POLE2: variants seen among roughly 807,000 people sequenced by gnomAD.
The protein encoded by POLE2 is DNA polymerase epsilon subunit 2.
POLE2 carries 56 observed loss-of-function variants against 79.4 expected under a neutral mutation model. The ratio of observed to expected loss-of-function variants is 0.71; its 90% confidence interval spans 0.57 to 0.88. The LOEUF (loss-of-function observed/expected upper bound fraction) is 0.88, where lower values mean the gene tolerates loss of function less well. POLE2 is among the 40% of genes least tolerant of loss of function. The pLI, the probability that POLE2 is intolerant of heterozygous loss-of-function variation, is 0.00. For missense variants in POLE2, 598 were observed against 638.9 expected, an observed-to-expected ratio of 0.94 and a Z score of 0.69; for synonymous variants, 212 against 214.0, an observed-to-expected ratio of 0.99 and a Z score of 0.08.
In POLE2 at chr14:49,669,550, G is replaced by C; in HGVS notation, c.466C>G (p.Pro156Ala). The change falls in exon 6 of 19, where the codon CCT (proline) becomes GCT (alanine). Residue 156 changes from proline to alanine, a missense_variant. Transcript: ENST00000216367. ...LFTPPVIGSH[P>A]DESGSKFQLK... ...TGGAATTTGCTTCCGCTTTCATCAG[G>C]GTGAGAACCTATCACCGGAGGAGTA... The C allele has an allele frequency of 6.3e-7, 1 of 1,598,122 alleles. No individual in the cohort carries two copies. The highest frequency in any genetic ancestry group is 1.1e-5 in the South Asian group (1 of 90,716).
intron 5 of POLE2, 71 bp from the exon 6 acceptor site, chr14:49,669,669 CCTGATGAAACACTG>C: frequency 1.3e-6 from 1 of 780,478 alleles, no homozygotes; most frequent in East Asian, 2.6e-5. Flanking sequence ...AAAATAGTGC[CCTGATGAAACACTG>C]TCCTTAAACT....
intron 1 of POLE2, among the ~76,000 whole-genome samples, chr14:49,686,010 T>A (rs1453443273): frequency 6.6e-6 from 1 of 152,156 alleles, no homozygotes; most frequent in African/African-American, 2.4e-5. Flanking sequence ...ATACACCTTA[T>A]CATAAACTCT....
chr14:49,646,318 TTTTTTTTTTTTTTTTTTGAGATA>T (rs1471150682), intron 18 of POLE2, among the ~76,000 whole-genome samples: 1 of 69,596 alleles, frequency 1.4e-5, no homozygotes, highest in African/African-American at 3.6e-5. Context: ...TTTTTTTTTT[TTTTTTTTTTTTTTTTTTGAGATA>T]GAGTCTCACT....
intron 12 of POLE2, 54 bp from the exon 13 acceptor site, chr14:49,654,892 TATTTG>T: frequency 6.9e-7 from 1 of 1,451,344 alleles, no homozygotes; most frequent in East Asian, 2.5e-5. Flanking sequence ...CATAAAATTA[TATTTG>T]ATTAGATACA....
In POLE2 at chr14:49,679,789, T is replaced by C. The variant is rs766585182; in HGVS notation, c.181A>G (p.Met61Val). ...AVEKQPLSSN[M>V]IERSVVEAAV... is the part of the protein sequence containing the mutation. Reference sequence around the variant, plus strand: ...GCTTCCACCACAGATCGTTCAATCATGTTTGATGACACTGAAAAGAGAATT... The same window carrying C: ...GCTTCCACCACAGATCGTTCAATCACGTTTGATGACACTGAAAAGAGAATT... The change falls in exon 3 of 19, where the codon ATG becomes GTG. Residue 61 changes from methionine (M) to valine (V), a missense_variant. By Grantham distance (21) the Met-to-Val change is conservative. Coordinates refer to ENST00000216367, the MANE Select transcript of POLE2 (RefSeq NM_002692.4). 6.3e-6 allele frequency: 10 copies of C among 1,592,858 alleles called. No individual in the cohort carries two copies. The highest frequency in any genetic ancestry group is 1.3e-5 in the African/African-American group (1 of 74,336).
intron 10 of POLE2, among the ~76,000 whole-genome samples, chr14:49,657,465 T>C (rs1002141802): frequency 3.3e-5 from 5 of 151,562 alleles, no homozygotes; most frequent in Non-Finnish European, 7.4e-5. Flanking sequence ...CGGAGTCTCA[T>C]GCTGTCTCCC....
chr14:49,666,069 GC>G (rs1885467478), intron 7 of POLE2, among the ~76,000 whole-genome samples: 1 of 152,194 alleles, frequency 6.6e-6, no homozygotes, highest in African/African-American at 2.4e-5. Flanking sequence ...CAGGTGATCC[GC>G]CCACCTCAGC....
chr14:49,645,977 T>A (rs962170585), intron 18 of POLE2, among the ~76,000 whole-genome samples: 2 of 152,148 alleles, frequency 1.3e-5, no homozygotes, highest in Non-Finnish European at 2.9e-5. Context: ...GTTATTTCAG[T>A]AAAAGACATT....
rs1194936064 is a variant in POLE2, at chr14:49,655,100, C to T, written c.929-6G>A. On this transcript the variant is annotated splice_region_variant and splice_polypyrimidine_tract_variant and intron_variant, in intron 11 of 18. Coordinates refer to ENST00000216367, the MANE Select transcript of POLE2 (RefSeq NM_002692.4). ...TGGAGGTGCTGGTGAATAACCTAAA[C>T]AATAAAAGAGTAAATGAACAATACT... 2.1e-6 allele frequency: 3 copies of T among 1,436,634 alleles called. No individual in the cohort carries two copies. The highest frequency in any genetic ancestry group is 1.4e-5 in the South Asian group (1 of 69,104). The allele number at this position is 1,436,634 out of a possible 1,614,324, so 89.0% of individuals were successfully genotyped here. A position where few individuals can be genotyped will look rare whatever the true frequency, so the allele number is the denominator to read the frequency against.
intron 10 of POLE2, among the ~76,000 whole-genome samples, chr14:49,659,526 A>T (rs1398539803): frequency 1.3e-5 from 2 of 152,212 alleles, no homozygotes; most frequent in East Asian, 3.8e-4. Context: ...TCAAAAATTT[A>T]AAATTTTTTA....
intron 15 of POLE2, among the ~76,000 whole-genome samples, chr14:49,653,773 C>G (rs941660536): frequency 0.024 from 1 of 42 alleles, no homozygotes; most frequent in African/African-American, 0.083. Flanking sequence ...CCATCTCAGC[C>G]TCTTCATAGA....
At chr14:49,669,748 C>A in intron 5 of POLE2, 150 bp from the exon 6 acceptor site, 1 of 582,016 alleles carries the variant, frequency 1.7e-6, no homozygotes, top group South Asian at 2.2e-5. Flanking sequence ...ATTTAACATA[C>A]AAATATCTAG....
chr14:49,677,047 T>C (rs1332851532), intron 3 of POLE2, among the ~76,000 whole-genome samples: 1 of 152,208 alleles, frequency 6.6e-6, no homozygotes, highest in Non-Finnish European at 1.5e-5. Context: ...TATTTCTTCA[T>C]CCAGAACCTG....
chr14:49,655,096 TA>T lies in POLE2; in HGVS notation c.929-3del. On this transcript the variant is annotated splice_polypyrimidine_tract_variant and splice_region_variant and intron_variant, in intron 11 of 18. Transcript: ENST00000216367. The stretch of plus-strand genomic sequence containing the variant: ...AGGTTGGAGGTGCTGGTGAATAACC[TA>T]AACAATAAAAGAGTAAATGAACAAT... 1 of 1,472,800 alleles carries T rather than the reference TA, an allele frequency of 6.8e-7. No homozygotes were observed. The highest frequency in any genetic ancestry group is 9.2e-7 in the Non-Finnish European group (1 of 1,086,518). The allele number at this position is 1,472,800 out of a possible 1,614,324, so 91.2% of individuals were successfully genotyped here.
intron 6 of POLE2, 106 bp downstream of exon 6, chr14:49,669,418 G>A: frequency 1.5e-6 from 1 of 672,632 alleles, no homozygotes; most frequent in Non-Finnish European, 2.6e-6. Flanking sequence ...TAGCTAAACA[G>A]TTACCAATAG....
intron 18 of POLE2, chr14:49,647,046 C>T: frequency 3.2e-6 from 1 of 316,230 alleles, no homozygotes; most frequent in East Asian, 5.7e-5. Context: ...AGAACTAGCT[C>T]ACCTCCACAG....
At chr14:49,649,876 A>G (rs1348541057) in intron 17 of POLE2, among the ~76,000 whole-genome samples, 2 of 152,248 alleles carry the variant, frequency 1.3e-5, no homozygotes, top group Non-Finnish European at 2.9e-5. Flanking sequence ...TCAGGCTTAG[A>G]TTTTTGGGAC....
At chr14:49,679,692 CAAG>C in intron 3 of POLE2, 30 bp downstream of exon 3, 1 of 1,174,436 alleles carries the variant, frequency 8.5e-7, no homozygotes, top group Non-Finnish European at 1.3e-6. Flanking sequence ...ATAACACCTC[CAAG>C]GAGGAAAAAA....
chr14:49,686,457 C>T (rs1887144227), intron 1 of POLE2, among the ~76,000 whole-genome samples: 1 of 152,092 alleles, frequency 6.6e-6, no homozygotes, highest in Admixed American at 6.6e-5. Context: ...GAGCTTGAAG[C>T]GAATGCTGTC....
Sources: allele counts gnomAD v4.1 joint callset (sites outside exome capture counted in the v4.1 genomes callset), GRCh38; gene constraint gnomAD v4.1.1; transcripts MANE v1.5; gene names NCBI Gene and HGNC (gene_info 2026-07-23, HGNC 2026-07-21).